The following PIEZO2 variants were observed in gnomAD, a reference collection of about 807,000 sequenced individuals.
PIEZO2 encodes piezo type mechanosensitive ion channel component 2.
Under a neutral mutation model 337.3 loss-of-function variants are expected in PIEZO2, and 172 were observed. The observed-to-expected ratio is 0.51, with a 90% CI of 0.45 to 0.58. PIEZO2 has a LOEUF of 0.58. PIEZO2 is among the 20% of genes least tolerant of loss of function. PIEZO2 has a pLI of 0.00. For missense variants in PIEZO2, 3,028 were observed against 3,391.3 expected (o/e 0.89, Z 2.66); for synonymous variants, 1,251 against 1,228.5 (o/e 1.02, Z -0.38).
At chr18:10,884,112 A>G (rs144272798) in intron 4 of PIEZO2, among the ~76,000 whole-genome samples, 1 of 151,974 alleles carries the variant, frequency 6.6e-6, no homozygotes, top group Non-Finnish European at 1.5e-5. Context: ...CAACTGGCCT[A>G]TGAGTCCTAC....
intron 3 of PIEZO2, among the ~76,000 whole-genome samples, chr18:10,927,336 T>A (rs1174109675): frequency 6.6e-6 from 1 of 152,108 alleles, no homozygotes; most frequent in Non-Finnish European, 1.5e-5. Context: ...AAATTTGAAA[T>A]GGGTTAGATG....
intron 2 of PIEZO2, among the ~76,000 whole-genome samples, chr18:11,043,074 AT>A (rs1276453046): frequency 1.3e-5 from 2 of 152,172 alleles, no homozygotes; most frequent in Non-Finnish European, 2.9e-5. Flanking sequence ...AATTTCTAGT[AT>A]GTTTTGTTGT....
At chr18:11,046,899 G>C (rs2037337823) in intron 2 of PIEZO2, among the ~76,000 whole-genome samples, 1 of 152,164 alleles carries the variant, frequency 6.6e-6, no homozygotes, top group Non-Finnish European at 1.5e-5. Flanking sequence ...GGGGAGCCAG[G>C]GCTCATCTTC....
At chr18:10,933,149 C>A (rs1482365134) in intron 3 of PIEZO2, among the ~76,000 whole-genome samples, 2 of 152,002 alleles carry the variant, frequency 1.3e-5, no homozygotes, top group East Asian at 3.9e-4. Flanking sequence ...AGGGACAAGG[C>A]TACAAGGTTG....
At chr18:11,122,711 T>C (rs2040063006) in intron 1 of PIEZO2, among the ~76,000 whole-genome samples, 1 of 152,160 alleles carries the variant, frequency 6.6e-6, no homozygotes. Flanking sequence ...TCCTTGAATA[T>C]GGGAAGATTT....
intron 45 of PIEZO2, 98 bp from the exon 46 acceptor site, chr18:10,696,637 C>T (rs2035101849): frequency 1.4e-6 from 2 of 1,393,858 alleles, no homozygotes; most frequent in Non-Finnish European, 2.0e-6. Flanking sequence ...CCTCTGCATT[C>T]CTCTTTCCAG....
At chr18:10,869,157 T>G (rs114718743) in intron 5 of PIEZO2, among the ~76,000 whole-genome samples, 2,854 of 152,308 alleles carry the variant, frequency 0.019, 107 homozygotes, top group African/African-American at 0.065. Context: ...ATTAGAAATT[T>G]TATTTAGCAT....
In PIEZO2 at chr18:10,685,096, G is replaced by A. The variant is rs540004226; in HGVS notation, c.7498-2804C>T. Among the ~76,000 whole-genome samples the A allele has an allele frequency of 1.1e-4, 16 of 152,296 alleles. No individual in the cohort carries two copies. The South Asian group carries it at 3.1e-3, about 30-fold the overall frequency. ...AGAGTGAGTGGCCTGCACTGTGTGT[G>A]CTCGGACCAACATTTTGCCTTTCAG... On this transcript the variant is annotated intron_variant, in intron 49 of 55. Transcript: ENST00000674853.
rs1400605475 is a variant in PIEZO2 at position 10,750,290 on chromosome 18, T to G, written c.4168-103A>C. The G allele has an allele frequency of 3.6e-6, 3 of 834,260 alleles. No individual in the cohort carries two copies. Among genetic ancestry groups the G allele is most frequent in the Non-Finnish European group, 5.8e-6 (3 of 515,544 alleles). 51.7% of individuals were successfully genotyped at this position (834,260 alleles called of 1,614,324 possible). On this transcript the variant is annotated intron_variant, in intron 28 of 55. Transcript: ENST00000674853. This position sits in a 1 kb window ranked among gnomAD's most constrained non-coding sequence, Gnocchi z 4.1. Reference sequence around the variant, plus strand: ...GCAAGAATTCACAAGGTCTCAGTGATAAGGATTCCAGGAGATGCCAATTGT... The same window carrying G: ...GCAAGAATTCACAAGGTCTCAGTGAGAAGGATTCCAGGAGATGCCAATTGT...
Position 10,704,561 on chromosome 18 carries a change from G to A in PIEZO2, c.6091C>T (p.Leu2031=), listed in dbSNP as rs1318131020. Residue 2031 remains leucine (L), a synonymous_variant, in exon 42 of 56, where the codon CTG becomes TTG. Coordinates refer to ENST00000674853, the MANE Select transcript of PIEZO2 (RefSeq NM_001378183.1). ...CACACCATCTCCGAGCGGGCCACCA[G>A]GGTATTGTACATGGCATAGAAGAGC... ...LLLFYAMYNT[L]VARSEMVCYF... 1 of 1,537,174 alleles carries A rather than the reference G, an allele frequency of 6.5e-7. No homozygotes were observed. Among genetic ancestry groups the A allele is most frequent in the Non-Finnish European group, 8.7e-7 (1 of 1,146,934 alleles).
In PIEZO2 at chr18:10,673,235, T is replaced by C. The variant is rs915382951; in HGVS notation, c.8162-362A>G. 7.9e-5 allele frequency among the ~76,000 whole-genome samples: 12 copies of C among 152,234 alleles called. No homozygotes were observed. Among genetic ancestry groups the C allele is most frequent in the African/African-American group, 2.9e-4 (12 of 41,462 alleles). Reference sequence around the variant, plus strand: ...GTGATCAAATCAACCAGTCCATTCATATTACCAGCATTTGTTGCATGTCTC... The same window carrying C: ...GTGATCAAATCAACCAGTCCATTCACATTACCAGCATTTGTTGCATGTCTC... On this transcript the variant is annotated intron_variant, in intron 54 of 55. Transcript: ENST00000674853. The surrounding 1 kb of genome is among the most constrained non-coding windows in gnomAD (Gnocchi z 4.8).
chr18:10,851,154 T>C lies in PIEZO2; in HGVS notation c.917+4199A>G, dbSNP rs561233798. On this transcript the variant is annotated intron_variant, in intron 7 of 55. Coordinates refer to ENST00000674853, the MANE Select transcript of PIEZO2 (RefSeq NM_001378183.1). The stretch of plus-strand genomic sequence containing the variant: ...TCTTTTCTTTTCTTTTTTTCTTTTA[T>C]CTTTTTTTTTTTTTTTTTGCCAGTC... Among the ~76,000 whole-genome samples, 378 of 128,242 alleles carry C rather than the reference T, an allele frequency of 2.9e-3. 1 individual carries two copies. The highest frequency in any genetic ancestry group is 0.02 in the South Asian group (87 of 4,346). The allele number at this position is 128,242 out of a possible 152,430, so 84.1% of individuals were successfully genotyped here. A position where few individuals can be genotyped will look rare whatever the true frequency, so the allele number is the denominator to read the frequency against.
chr18:11,141,435 G>T (rs1343059287), intron 1 of PIEZO2, among the ~76,000 whole-genome samples: 2 of 152,182 alleles, frequency 1.3e-5, no homozygotes, highest in Admixed American at 1.3e-4. Context: ...ACCACACAGG[G>T]TAAAGATGGA....
At chr18:10,829,371 C>G (rs867927775) in intron 7 of PIEZO2, among the ~76,000 whole-genome samples, 1 of 152,124 alleles carries the variant, frequency 6.6e-6, no homozygotes, top group African/African-American at 2.4e-5. Context: ...ATTCTGAAAG[C>G]CTTTCCTCTA....
At position 10,696,391 on chromosome 18, in the gene PIEZO2, C is replaced by T; in HGVS notation, c.6975+1G>A. The T allele has an allele frequency of 6.2e-7, 1 of 1,614,184 alleles. No individual in the cohort carries two copies. Among genetic ancestry groups the T allele is most frequent in the African/African-American group, 1.3e-5 (1 of 75,052 alleles). ...GTGCTGTGGCCTTTGCCCCAACCTA[C>T]CCCAAAGGCCCAAAAGCCGAAGACA... On this transcript the variant is annotated splice_donor_variant, in intron 46 of 55. Coordinates refer to ENST00000674853, the MANE Select transcript of PIEZO2 (RefSeq NM_001378183.1). LOFTEE classifies it high-confidence loss of function.
rs532275458 is a variant in PIEZO2 at position 10,703,693 on chromosome 18, T to C, written c.6258+701A>G. ...GAATATCGAGCTTTTTTTTTTAAAG[T>C]CCCTTTATGGTTTTCATGGGCATTC... On this transcript the variant is annotated intron_variant, in intron 42 of 55. Transcript: ENST00000674853. Among the ~76,000 whole-genome samples, 311 of 151,972 alleles carry C rather than the reference T, an allele frequency of 2.0e-3. 5 individuals carry two copies. The highest frequency in any genetic ancestry group is 7.2e-3 in the African/African-American group (299 of 41,456).
chr18:10,810,179 G>GA (rs1386789525), intron 7 of PIEZO2, among the ~76,000 whole-genome samples: 1 of 152,046 alleles, frequency 6.6e-6, no homozygotes, highest in African/African-American at 2.4e-5. Context: ...GCAAGTATAT[G>GA]AAAAAGAAAG....
At chr18:10,886,488 A>ATATATATATATAATGTGTG (rs1491203174) in intron 4 of PIEZO2, among the ~76,000 whole-genome samples, 7 of 10,832 alleles carry the variant, frequency 6.5e-4, no homozygotes, top group African/African-American at 1.8e-3. Flanking sequence ...TATCCAAACC[A>ATATATATATATAATGTGTG]TATATATATA....
intron 3 of PIEZO2, among the ~76,000 whole-genome samples, chr18:10,964,675 C>A (rs186368858): frequency 2.0e-5 from 3 of 152,314 alleles, no homozygotes; most frequent in African/African-American, 7.2e-5. Flanking sequence ...GTTCACCAGG[C>A]CATGCAACTA....
Sources: gnomAD v4.1 joint callset for allele counts (sites outside exome capture counted in the v4.1 genomes callset) on GRCh38, gnomAD v4.1.1 for gene constraint, Gnocchi (gnomAD v3.1) non-coding constraint, MANE v1.5 for transcripts, NCBI Gene and HGNC (gene_info 2026-07-23, HGNC 2026-07-21) for gene names.